Variants in HDAC9 observed in about 807,000 individuals in gnomAD.
The protein encoded by HDAC9 is MEF-2 interacting transcription repressor (MITR) protein.
HDAC9 carries 41 observed loss-of-function variants against 139.4 expected under a neutral mutation model. That is an observed-to-expected ratio of 0.29 (90% CI 0.23 to 0.38). The LOEUF is 0.38. HDAC9 is among the 10% of genes least tolerant of loss of function. The pLI, the probability that HDAC9 is intolerant of heterozygous loss-of-function variation, is 1.00. For missense variants in HDAC9, 1,147 were observed against 1,297.0 expected, an observed-to-expected ratio of 0.88 and a Z score of 1.78; for synonymous variants, 517 against 476.2, an observed-to-expected ratio of 1.09 and a Z score of -1.12.
At chr7:18,107,206 C>T (rs138369141) in intron 1 of HDAC9, among the ~76,000 whole-genome samples, 4 of 152,206 alleles carry the variant, frequency 2.6e-5, no homozygotes, top group African/African-American at 7.2e-5. Flanking sequence ...TCTGGGCATC[C>T]CTTGCTACCC....
chr7:18,353,642 G>A (rs1003866633), intron 1 of HDAC9, among the ~76,000 whole-genome samples: 1 of 152,132 alleles, frequency 6.6e-6, no homozygotes, highest in Non-Finnish European at 1.5e-5. Flanking sequence ...TGTATCTTGG[G>A]TATCAACAGC....
chr7:18,579,924 G>T (rs1009663401), intron 2 of HDAC9, among the ~76,000 whole-genome samples: 2 of 152,090 alleles, frequency 1.3e-5, no homozygotes, highest in African/African-American at 4.8e-5. Flanking sequence ...AGGCTTGCAA[G>T]TTGTTTACTT....
chr7:18,567,456 AT>A (rs113744611), intron 2 of HDAC9, among the ~76,000 whole-genome samples: 30 of 152,170 alleles, frequency 2.0e-4, no homozygotes, highest in Non-Finnish European at 3.7e-4. Context: ...CATTTAAAGC[AT>A]TTTTTTAAAA....
chr7:18,497,262 C>T (rs1260475373), intron 2 of HDAC9, among the ~76,000 whole-genome samples: 1 of 152,092 alleles, frequency 6.6e-6, no homozygotes, highest in Non-Finnish European at 1.5e-5. Flanking sequence ...ATCCCACTTC[C>T]CATGTGGGCT....
chr7:18,745,139 T>C (rs1401495359), intron 13 of HDAC9, among the ~76,000 whole-genome samples: 2 of 152,090 alleles, frequency 1.3e-5, no homozygotes, highest in Non-Finnish European at 2.9e-5. Context: ...TATAAGTCCA[T>C]GTTTCTGAGA....
rs1296927616 is a variant in HDAC9 at position 18,732,685 on chromosome 7, G to GTA, written c.1909+4929_1909+4930dup. ...CACACGTGTATATGTGTGCGTATGT[G>GTA]TACACACACACACGTGTATGTGTGC... On this transcript the variant is annotated intron_variant, in intron 13 of 25. Coordinates refer to ENST00000686413, the MANE Select transcript of HDAC9 (RefSeq NM_178425.4). 7.8e-4 allele frequency among the ~76,000 whole-genome samples: 98 copies of GTA among 125,672 alleles called. 8 individuals carry two copies. The highest frequency in any genetic ancestry group is 4.2e-3 in the Middle Eastern group (1 of 238). The allele number at this position is 125,672 out of a possible 152,430, so 82.4% of individuals were successfully genotyped here.
chr7:18,093,077 G>A (rs554240144), intron 1 of HDAC9, among the ~76,000 whole-genome samples: 10 of 152,300 alleles, frequency 6.6e-5, no homozygotes, highest in African/African-American at 2.2e-4. Context: ...ACTATAGGGT[G>A]CTATGTAGTG....
chr7:18,847,230 T>A (rs556930317), intron 21 of HDAC9, among the ~76,000 whole-genome samples: 15 of 152,306 alleles, frequency 9.8e-5, no homozygotes, highest in Admixed American at 8.5e-4. Context: ...AGTCAGATCA[T>A]TTACCAGTGT....
intron 2 of HDAC9, among the ~76,000 whole-genome samples, chr7:18,548,060 T>C (rs1010863419): frequency 2.6e-5 from 4 of 152,038 alleles, no homozygotes; most frequent in Non-Finnish European, 4.4e-5. Context: ...TGTGCAACTC[T>C]TTCTCTTTCA....
chr7:18,459,834 A>G (rs992860566), intron 1 of HDAC9, among the ~76,000 whole-genome samples: 2 of 151,932 alleles, frequency 1.3e-5, no homozygotes, highest in African/African-American at 4.8e-5. Flanking sequence ...GCATCCATCT[A>G]TTCCACTTTA....
intron 23 of HDAC9, among the ~76,000 whole-genome samples, chr7:18,938,769 T>C (rs1781828727): frequency 6.6e-6 from 1 of 152,192 alleles, no homozygotes; most frequent in Non-Finnish European, 1.5e-5. Context: ...GTTTGAACAT[T>C]AATAATCTAC....
chr7:18,324,274 A>T (rs1800264701), intron 1 of HDAC9, among the ~76,000 whole-genome samples: 1 of 152,276 alleles, frequency 6.6e-6, no homozygotes, highest in African/African-American at 2.4e-5. Context: ...TGGCTACAAA[A>T]TGCTAGTAGG....
chr7:18,094,037 G>C (rs1782338560), intron 1 of HDAC9, among the ~76,000 whole-genome samples: 1 of 152,100 alleles, frequency 6.6e-6, no homozygotes, highest in African/African-American at 2.4e-5. Flanking sequence ...AGATTTCCCT[G>C]GGTATCTGAG....
intron 25 of HDAC9, among the ~76,000 whole-genome samples, chr7:18,994,945 A>T (rs747059232): frequency 1.3e-5 from 2 of 152,224 alleles, no homozygotes; most frequent in Non-Finnish European, 2.9e-5. Context: ...GAGAAGCATC[A>T]TCCAAATATT....
intron 21 of HDAC9, among the ~76,000 whole-genome samples, chr7:18,843,391 C>A (rs1236771707): frequency 6.6e-6 from 1 of 152,008 alleles, no homozygotes; most frequent in Non-Finnish European, 1.5e-5. Context: ...TGTCAAGGAG[C>A]TTACGTCAAT....
At chr7:18,569,417 C>T (rs1374798890) in intron 2 of HDAC9, among the ~76,000 whole-genome samples, 1 of 152,254 alleles carries the variant, frequency 6.6e-6, no homozygotes, top group African/African-American at 2.4e-5. Flanking sequence ...GCCACAGTTT[C>T]CTAACTCCTG....
intron 1 of HDAC9, among the ~76,000 whole-genome samples, chr7:18,131,991 G>A (rs1240016483): frequency 1.3e-5 from 2 of 152,162 alleles, no homozygotes; most frequent in African/African-American, 4.8e-5. Flanking sequence ...GATAGATTAT[G>A]GAGAATCACT....
chr7:18,231,629 A>G (rs900943788), intron 2 of HDAC9, among the ~76,000 whole-genome samples: 1 of 152,220 alleles, frequency 6.6e-6, no homozygotes, highest in Non-Finnish European at 1.5e-5. Flanking sequence ...TGGAATTTTA[A>G]CAGCAGTCAT....
chr7:18,366,400 G>A (rs756695830), intron 1 of HDAC9, among the ~76,000 whole-genome samples: 5 of 152,136 alleles, frequency 3.3e-5, no homozygotes, highest in African/African-American at 4.8e-5. Flanking sequence ...GTTGGCCCAG[G>A]ACACCAGACC....
Sources: allele counts gnomAD v4.1 joint callset (sites outside exome capture counted in the v4.1 genomes callset), GRCh38; gene constraint gnomAD v4.1.1; transcripts MANE v1.5; gene names NCBI Gene and HGNC (gene_info 2026-07-23, HGNC 2026-07-21).